The following CFAP47 variants were observed in gnomAD, a reference collection of about 807,000 sequenced individuals.
CFAP47 encodes the protein cilia and flagella associated protein 47.
Under a neutral mutation model 148.1 loss-of-function variants are expected in CFAP47, and 29 were observed. That is an observed-to-expected ratio of 0.20 (90% confidence interval 0.15 to 0.27). The LOEUF (loss-of-function observed/expected upper bound fraction) is 0.27, where lower values mean the gene tolerates loss of function less well. CFAP47 is among the 10% of genes least tolerant of loss of function. The probability of loss-of-function intolerance (pLI) is 1.00; values close to 1 mark genes in which losing one functional copy is unlikely to be tolerated. For synonymous variants in CFAP47, 664 were observed against 577.3 expected, an observed-to-expected ratio of 1.15 and a Z score of -2.15; for missense variants, 1,872 against 1,697.5, an observed-to-expected ratio of 1.10 and a Z score of -1.81.
intron 29 of CFAP47, 65 bp from the exon 30 acceptor site, chrX:36,085,249 G>A: frequency 1.5e-6 from 1 of 666,225 alleles, no homozygotes; most frequent in Non-Finnish European, 2.3e-6. Flanking sequence ...AATTGAACAT[G>A]TTTTTTTTTC....
intron 29 of CFAP47, among the ~76,000 whole-genome samples, chrX:36,083,888 TG>T (rs763268081): frequency 1.5e-3 from 163 of 111,633 alleles, no homozygotes; most frequent in Non-Finnish European, 2.6e-3. Context: ...TGTTTAATTA[TG>T]GTTTTTAATC....
At chrX:36,225,105 A>G (rs1362750795) in intron 45 of CFAP47, among the ~76,000 whole-genome samples, 2 of 111,271 alleles carry the variant, frequency 1.8e-5, no homozygotes, top group African/African-American at 6.5e-5. Flanking sequence ...TAGAATCTTG[A>G]CAATTGCCAC....
At chrX:36,269,725 A>G (rs1569304610) in intron 49 of CFAP47, among the ~76,000 whole-genome samples, 1 of 112,118 alleles carries the variant, frequency 8.9e-6, no homozygotes. Context: ...TAACGCATGT[A>G]TACGCCTATG....
intron 39 of CFAP47, among the ~76,000 whole-genome samples, chrX:36,172,916 A>G: frequency 9.0e-6 from 1 of 111,130 alleles, no homozygotes; most frequent in Non-Finnish European, 1.9e-5. Flanking sequence ...TCGGCTGTGA[A>G]TCCATCTGGT....
chrX:36,347,802 G>T (rs1941710934), intron 57 of CFAP47, among the ~76,000 whole-genome samples: 2 of 110,418 alleles, frequency 1.8e-5, no homozygotes, highest in South Asian at 7.8e-4. Flanking sequence ...CTAGGGGAGG[G>T]ATAACATTAG....
intron 8 of CFAP47, among the ~76,000 whole-genome samples, 173 bp downstream of exon 8, chrX:35,956,369 TTTG>T (rs1453477970): frequency 2.7e-5 from 3 of 111,989 alleles, no homozygotes; most frequent in Non-Finnish European, 5.6e-5. Context: ...TCCATAATGA[TTTG>T]TTAAGTGCCT....
At chrX:35,961,603 T>C (rs1051993840) in intron 8 of CFAP47, among the ~76,000 whole-genome samples, 2 of 111,669 alleles carry the variant, frequency 1.8e-5, no homozygotes, top group Non-Finnish European at 3.8e-5. Flanking sequence ...ATCTGGTTTG[T>C]TGGTATTCAG....
chrX:36,202,486 C>T (rs1402909333), intron 44 of CFAP47, among the ~76,000 whole-genome samples: 1 of 111,403 alleles, frequency 9.0e-6, no homozygotes, highest in Non-Finnish European at 1.9e-5. Flanking sequence ...TTGCTTCAAA[C>T]ATGCCAGGTG....
chrX:36,207,694 C>T (rs1437485464), intron 45 of CFAP47, among the ~76,000 whole-genome samples: 2 of 111,439 alleles, frequency 1.8e-5, no homozygotes, highest in East Asian at 5.6e-4. Context: ...TTGTGACAAC[C>T]TCATGCCTCA....
rs1204418346 is a variant in CFAP47 at position 36,260,968 on chromosome X, T to C, written c.7444+9524T>C. On this transcript the variant is annotated intron_variant, in intron 49 of 63. Coordinates refer to ENST00000378653, the MANE Select transcript of CFAP47 (RefSeq NM_001304548.2). The stretch of plus-strand genomic sequence containing the variant: ...ACTATTTATTGAATAGGGAGTCCAT[T>C]ACTCATTGCTTGTTATTGTTGACTT... Among the ~76,000 whole-genome samples the C allele has an allele frequency of 7.2e-5, 8 of 111,332 alleles. No homozygotes were observed. The Admixed American group carries it at 7.6e-4, about 11-fold the overall frequency.
chrX:36,026,641 A>G (rs1030640823), intron 22 of CFAP47, among the ~76,000 whole-genome samples: 1 of 110,234 alleles, frequency 9.1e-6, no homozygotes, highest in African/African-American at 3.3e-5. Flanking sequence ...ATAAATTTCT[A>G]CTCCTTGTCA....
chrX:35,954,538 G>C (rs1936216433), intron 7 of CFAP47, among the ~76,000 whole-genome samples: 1 of 111,758 alleles, frequency 8.9e-6, no homozygotes, highest in Non-Finnish European at 1.9e-5. Context: ...ACAGCAATGA[G>C]AATTCCACAT....
At chrX:36,165,193 A>G (rs1055667139) in intron 39 of CFAP47, among the ~76,000 whole-genome samples, 5 of 111,902 alleles carry the variant, frequency 4.5e-5, no homozygotes, top group Non-Finnish European at 9.4e-5. Context: ...AGATTGCATT[A>G]TTTAATCAAT....
intron 49 of CFAP47, among the ~76,000 whole-genome samples, chrX:36,261,873 G>T (rs1420324096): frequency 2.7e-5 from 3 of 111,138 alleles, no homozygotes; most frequent in Non-Finnish European, 3.8e-5. Flanking sequence ...GCCGGGCAGA[G>T]GGGCGCCTCA....
chrX:36,373,236 A>T (rs1413424981), intron 62 of CFAP47, among the ~76,000 whole-genome samples: 8 of 111,772 alleles, frequency 7.2e-5, no homozygotes, highest in Admixed American at 5.7e-4. Context: ...TTTTCAGTGT[A>T]TAAATATTTT....
intron 49 of CFAP47, among the ~76,000 whole-genome samples, chrX:36,273,407 A>G (rs1940981647): frequency 1.8e-5 from 2 of 111,317 alleles, no homozygotes; most frequent in Admixed American, 1.9e-4. Context: ...TTCCTATTAG[A>G]TTTTTTCCCC....
At chrX:36,004,356 A>G (rs1483752744) in intron 21 of CFAP47, among the ~76,000 whole-genome samples, 1 of 111,269 alleles carries the variant, frequency 9.0e-6, no homozygotes, top group East Asian at 2.8e-4. Flanking sequence ...CAATTGCTAC[A>G]AAAGAATAAA....
chrX:36,029,197 G>A (rs1053762271), intron 22 of CFAP47, among the ~76,000 whole-genome samples: 2 of 110,590 alleles, frequency 1.8e-5, no homozygotes, highest in Non-Finnish European at 3.8e-5. Flanking sequence ...AGTCTCTGAT[G>A]ATCTTTTGCA....
chrX:36,248,764 A>G (rs1416381647), intron 48 of CFAP47, among the ~76,000 whole-genome samples: 2 of 111,020 alleles, frequency 1.8e-5, no homozygotes, highest in Non-Finnish European at 3.8e-5. Flanking sequence ...ATATTCTCCC[A>G]GATAGACTAT....
Sources: allele counts gnomAD v4.1 joint callset (sites outside exome capture counted in the v4.1 genomes callset), GRCh38; gene constraint gnomAD v4.1.1; transcripts MANE v1.5; gene names NCBI Gene and HGNC (gene_info 2026-07-23, HGNC 2026-07-21).